Variants in DTWD2 observed in about 807,000 individuals in gnomAD.
DTWD2 encodes tRNA-uridine aminocarboxypropyltransferase 2.
Under a neutral mutation model 31.8 loss-of-function variants are expected in DTWD2, and 39 were observed. That is an observed-to-expected ratio of 1.22 (90% CI 0.95 to 1.60). The LOEUF is 1.60. Ranked by LOEUF, DTWD2 falls within the 40% of genes most tolerant of loss-of-function variation. DTWD2 has a pLI of 0.00. For synonymous variants in DTWD2, 180 were observed against 142.8 expected, an observed-to-expected ratio of 1.26 and a Z score of -1.86; for missense variants, 515 against 381.5, an observed-to-expected ratio of 1.35 and a Z score of -2.92.
intron 4 of DTWD2, among the ~76,000 whole-genome samples, chr5:118,903,146 T>TAAA (rs55691479): frequency 1.4e-5 from 2 of 138,252 alleles, no homozygotes. Context: ...GCTAAAATGG[T>TAAA]AAAAAAAAAA....
intron 4 of DTWD2, among the ~76,000 whole-genome samples, chr5:118,887,601 T>C (rs1223993638): frequency 6.6e-6 from 1 of 152,160 alleles, no homozygotes; most frequent in East Asian, 1.9e-4. Flanking sequence ...AACTTCTAGA[T>C]GTTTTTGTTT....
intron 5 of DTWD2, among the ~76,000 whole-genome samples, chr5:118,843,757 T>C (rs976002813): frequency 6.6e-6 from 1 of 152,336 alleles, no homozygotes; most frequent in African/African-American, 2.4e-5. Flanking sequence ...GAGAATGAAT[T>C]TTGGAAACAG....
intron 4 of DTWD2, among the ~76,000 whole-genome samples, chr5:118,899,315 T>C (rs1753152077): frequency 6.6e-6 from 1 of 152,230 alleles, no homozygotes; most frequent in African/African-American, 2.4e-5. Flanking sequence ...GAATCAATGA[T>C]ATTTATGAAA....
chr5:118,900,935 AAAAAG>A (rs1228851097), intron 4 of DTWD2, among the ~76,000 whole-genome samples: 5 of 151,662 alleles, frequency 3.3e-5, no homozygotes, highest in Non-Finnish European at 7.4e-5. Flanking sequence ...AAAAAAAAAA[AAAAAG>A]AAAAAATGAC....
intron 3 of DTWD2, among the ~76,000 whole-genome samples, chr5:118,930,883 A>C (rs1407607139): frequency 6.6e-6 from 1 of 152,168 alleles, no homozygotes; most frequent in African/African-American, 2.4e-5. Flanking sequence ...GACGGAGGGC[A>C]TAGGGATAGG....
At chr5:118,852,081 G>A (rs555872499) in intron 4 of DTWD2, among the ~76,000 whole-genome samples, 43 of 152,210 alleles carry the variant, frequency 2.8e-4, no homozygotes, top group African/African-American at 9.9e-4. Flanking sequence ...TTCCTTGCTA[G>A]GAAAAGAATT....
intron 4 of DTWD2, among the ~76,000 whole-genome samples, chr5:118,848,974 T>TTTA (rs1751932230): frequency 1.3e-5 from 2 of 152,176 alleles, no homozygotes; most frequent in South Asian, 4.1e-4. Flanking sequence ...GGGCAAAGAC[T>TTTA]TTATGACTAA....
chr5:118,944,241 A>C (rs923363437), intron 2 of DTWD2, among the ~76,000 whole-genome samples: 19 of 152,176 alleles, frequency 1.2e-4, no homozygotes, highest in Admixed American at 3.3e-4. Context: ...GCTATGACCA[A>C]AATTTAAAAA....
intron 4 of DTWD2, among the ~76,000 whole-genome samples, chr5:118,914,192 G>C (rs928689228): frequency 2.0e-5 from 3 of 152,114 alleles, no homozygotes; most frequent in Admixed American, 1.3e-4. Context: ...AATGTTATGA[G>C]GTAGGGTCTA....
chr5:118,845,048 G>A (rs573835298), intron 5 of DTWD2, among the ~76,000 whole-genome samples: 1 of 152,282 alleles, frequency 6.6e-6, no homozygotes, highest in Admixed American at 6.5e-5. Flanking sequence ...TTGGGAGGCT[G>A]AGGTGGGAGG....
At chr5:118,931,512 A>G (rs1390846485) in intron 3 of DTWD2, among the ~76,000 whole-genome samples, 1 of 152,184 alleles carries the variant, frequency 6.6e-6, no homozygotes, top group African/African-American at 2.4e-5. Flanking sequence ...ACATAATAAC[A>G]AGAGTCAATT....
At chr5:118,882,910 T>TACTTATGC (rs1343512232) in intron 4 of DTWD2, among the ~76,000 whole-genome samples, 1 of 152,242 alleles carries the variant, frequency 6.6e-6, no homozygotes, top group African/African-American at 2.4e-5. Context: ...AGCTCCTCAT[T>TACTTATGC]ACTTATGCAA....
intron 4 of DTWD2, among the ~76,000 whole-genome samples, chr5:118,887,043 T>C (rs369298050): frequency 6.6e-6 from 1 of 152,128 alleles, no homozygotes; most frequent in Admixed American, 6.5e-5. Flanking sequence ...AAAAAGAAGT[T>C]AGAGGAAAGC....
intron 4 of DTWD2, among the ~76,000 whole-genome samples, chr5:118,849,734 GC>G (rs1461902255): frequency 3.7e-4 from 57 of 152,174 alleles, no homozygotes; most frequent in African/African-American, 1.3e-3. Context: ...CAGGGACATG[GC>G]TGAAGCTGGA....
chr5:118,973,324 T>C (rs976577449), intron 1 of DTWD2, among the ~76,000 whole-genome samples: 7 of 152,332 alleles, frequency 4.6e-5, no homozygotes, highest in East Asian at 1.9e-4. Context: ...TTTTGCCCCT[T>C]AGTTGATGCA....
chr5:118,927,536 G>C (rs192886806), intron 4 of DTWD2, among the ~76,000 whole-genome samples: 3 of 152,120 alleles, frequency 2.0e-5, no homozygotes, highest in Admixed American at 2.0e-4. Context: ...ATGTCTGTGT[G>C]TGTATGATTA....
chr5:118,976,192 C>T (rs996155091), intron 1 of DTWD2, among the ~76,000 whole-genome samples: 9 of 152,106 alleles, frequency 5.9e-5, no homozygotes, highest in Non-Finnish European at 1.3e-4. Flanking sequence ...GCTAACGCAG[C>T]GTTTAGAGGG....
intron 3 of DTWD2, among the ~76,000 whole-genome samples, chr5:118,936,685 T>C (rs980481127): frequency 5.9e-5 from 9 of 151,686 alleles, no homozygotes; most frequent in Admixed American, 6.6e-5. Context: ...GAACAAAAAG[T>C]TTTAAAATCT....
intron 2 of DTWD2, among the ~76,000 whole-genome samples, chr5:118,943,800 C>T (rs1754264476): frequency 6.6e-6 from 1 of 152,002 alleles, no homozygotes; most frequent in Admixed American, 6.6e-5. Context: ...TCTTTTATAC[C>T]TCTGTTAAAG....
Sources: gnomAD v4.1 joint callset for allele counts (sites outside exome capture counted in the v4.1 genomes callset) on GRCh38, gnomAD v4.1.1 for gene constraint, MANE v1.5 for transcripts, NCBI Gene and HGNC (gene_info 2026-07-23, HGNC 2026-07-21) for gene names.